CPSF3: variants seen among roughly 807,000 people sequenced by gnomAD.
CPSF3 encodes cleavage and polyadenylation specific factor 3, also known as cleavage and polyadenylation specificity factor subunit 3.
Under a neutral mutation model 84.1 loss-of-function variants are expected in CPSF3, and 57 were observed. That is an observed-to-expected ratio of 0.68 (90% confidence interval 0.55 to 0.85). The LOEUF is 0.85. Ranked by LOEUF, CPSF3 falls within the 40% of genes least tolerant of loss-of-function variation. CPSF3 has a pLI of 0.00. For synonymous variants in CPSF3, 275 were observed against 278.1 expected (o/e 0.99, Z 0.11); for missense variants, 522 against 838.8 (o/e 0.62, Z 4.66).
At position 9,466,180 on chromosome 2, in the gene CPSF3, GCACA is replaced by G. The variant is rs34694633; in HGVS notation, c.1787-1519_1787-1516del. ...ACATGCTAAAACCCTGTCTCTACAC[GCACA>G]CACACACGCGCTCACACACACACGC... On this transcript the variant is annotated intron_variant, in intron 15 of 17. Coordinates refer to ENST00000238112, the MANE Select transcript of CPSF3 (RefSeq NM_016207.4). Among the ~76,000 whole-genome samples the G allele has an allele frequency of 3.3e-4, 50 of 150,318 alleles. 1 individual carries two copies. The highest frequency in any genetic ancestry group is 1.1e-3 in the African/African-American group (43 of 40,426).
chr2:9,455,298 G>T (rs562178738), intron 12 of CPSF3, among the ~76,000 whole-genome samples: 6 of 152,218 alleles, frequency 3.9e-5, no homozygotes, highest in African/African-American at 1.4e-4. Context: ...ACCACGCCTA[G>T]CTAATTTTTG....
In CPSF3 at chr2:9,452,912, G is replaced by T; in HGVS notation, c.1396-1G>T. On this transcript the variant is annotated splice_acceptor_variant, in intron 11 of 17. Transcript: ENST00000238112. LOFTEE classifies it high-confidence loss of function. ...TTTCTTCAAGTATTTTTTTTTTACAGGTTATGGGATTTTTAGCAGACAAAA... is the reference window on the plus strand; with the variant it reads ...TTTCTTCAAGTATTTTTTTTTTACATGTTATGGGATTTTTAGCAGACAAAA... The T allele has an allele frequency of 1.3e-6, 2 of 1,586,020 alleles. No individual in the cohort carries two copies. Among genetic ancestry groups the T allele is most frequent in the Non-Finnish European group, 1.7e-6 (2 of 1,169,838 alleles).
chr2:9,437,042 T>C (rs1288822544), intron 7 of CPSF3, among the ~76,000 whole-genome samples: 4 of 152,134 alleles, frequency 2.6e-5, no homozygotes, highest in Non-Finnish European at 5.9e-5. Context: ...AAAATTGTGT[T>C]ACAGATGAGT....
rs1340436820 is a variant in CPSF3 at position 9,455,699 on chromosome 2, A to T, written c.1545A>T (p.Gln515His). Residue 515 changes from glutamine (Q) to histidine (H), a missense_variant, in exon 13 of 18, where the codon CAA becomes CAT. Physicochemically the swap from Gln to His is conservative, Grantham distance 24. This residue lies in a region of CPSF3 where 193 missense variants were observed against 231.6 expected (regional missense o/e 0.83). Transcript: ENST00000238112. ...CCATGAGCACGGTGAAGCAGACCCA[A>T]GCCATTCCATATACTGGTCCCTTTA... ...DLAMSTVKQT[Q>H]AIPYTGPFNL... 5.0e-6 allele frequency: 8 copies of T among 1,614,054 alleles called. No homozygotes were observed. Among genetic ancestry groups the T allele is most frequent in the Non-Finnish European group, 6.8e-6 (8 of 1,180,012 alleles).
At chr2:9,425,557 G>A (rs530776852) in intron 1 of CPSF3, among the ~76,000 whole-genome samples, 46 of 152,246 alleles carry the variant, frequency 3.0e-4, no homozygotes, top group African/African-American at 1.1e-3. Flanking sequence ...GGATTTTGTG[G>A]CTGATCAGCT....
chr2:9,446,605 A>G (rs1486123797), intron 10 of CPSF3, among the ~76,000 whole-genome samples: 1 of 148,378 alleles, frequency 6.7e-6, no homozygotes, highest in Non-Finnish European at 1.5e-5. Context: ...AAAAAAGTAT[A>G]AAAATTAGGT....
intron 13 of CPSF3, among the ~76,000 whole-genome samples, chr2:9,456,359 C>T (rs1681526548): frequency 6.6e-6 from 1 of 152,202 alleles, no homozygotes; most frequent in Admixed American, 6.5e-5. Flanking sequence ...CATTTTCCAT[C>T]AGTAACGCTC....
At chr2:9,458,447 A>T (rs534595315) in intron 14 of CPSF3, among the ~76,000 whole-genome samples, 1 of 152,322 alleles carries the variant, frequency 6.6e-6, no homozygotes, top group Non-Finnish European at 1.5e-5. Flanking sequence ...AGTTATCTAT[A>T]AACATGAAGT....
intron 1 of CPSF3, 179 bp downstream of exon 1, chr2:9,424,002 G>A: frequency 2.1e-6 from 3 of 1,417,860 alleles, no homozygotes; most frequent in Non-Finnish European, 1.8e-6. Flanking sequence ...ATCGGAAGGG[G>A]CCTGCTATAG....
intron 1 of CPSF3, among the ~76,000 whole-genome samples, 171 bp from the exon 2 acceptor site, chr2:9,428,594 A>G (rs1244285301): frequency 6.6e-6 from 1 of 152,140 alleles, no homozygotes; most frequent in East Asian, 1.9e-4. Flanking sequence ...TCATGTGGAC[A>G]CTGTTCTTCC....
chr2:9,461,522 C>T (rs905015321), intron 15 of CPSF3, among the ~76,000 whole-genome samples: 8 of 151,762 alleles, frequency 5.3e-5, no homozygotes, highest in South Asian at 2.1e-4. Context: ...AAAAATTAGC[C>T]AGGGGTGCTG....
intron 15 of CPSF3, among the ~76,000 whole-genome samples, chr2:9,464,767 A>G (rs1279822908): frequency 1.3e-5 from 2 of 151,604 alleles, no homozygotes; most frequent in African/African-American, 4.8e-5. Context: ...TAATTTTTCT[A>G]TTTTTATAGA....
intron 1 of CPSF3, 77 bp downstream of exon 1, chr2:9,423,900 C>G (rs1309384447): frequency 2.1e-5 from 33 of 1,566,498 alleles, no homozygotes; most frequent in Non-Finnish European, 2.6e-5. Context: ...TGGCCTCCTC[C>G]GTCGCCCGCG....
At chr2:9,442,929 ACAG>A (rs1681004933) in intron 9 of CPSF3, among the ~76,000 whole-genome samples, 1 of 152,046 alleles carries the variant, frequency 6.6e-6, no homozygotes, top group South Asian at 2.1e-4. Flanking sequence ...TCAGGAGGCC[ACAG>A]CAGGTGGATC....
intron 6 of CPSF3, among the ~76,000 whole-genome samples, chr2:9,435,719 TTTTTGTTGTTGTTGTTAAATTTTA>T (rs1680754588): frequency 6.7e-6 from 1 of 148,360 alleles, no homozygotes; most frequent in Admixed American, 6.8e-5. Context: ...GCCCGGCCTC[TTTTTGTTGTTGTTGTTAAATTTTA>T]TTTTTTTGAG....
intron 9 of CPSF3, 57 bp downstream of exon 9, chr2:9,442,033 C>G (rs765684488): frequency 6.4e-7 from 1 of 1,564,908 alleles, no homozygotes; most frequent in African/African-American, 1.4e-5. Context: ...GGAGGTGGCA[C>G]GGTCCTCACA....
chr2:9,451,603 A>T (rs1681330310), intron 11 of CPSF3, among the ~76,000 whole-genome samples: 1 of 152,176 alleles, frequency 6.6e-6, no homozygotes, highest in Admixed American at 6.5e-5. Flanking sequence ...ATCTCTACAA[A>T]AAATACAAAA....
At chr2:9,453,785 G>A (rs983472448) in intron 12 of CPSF3, among the ~76,000 whole-genome samples, 3 of 152,094 alleles carry the variant, frequency 2.0e-5, no homozygotes, top group Non-Finnish European at 4.4e-5. Flanking sequence ...CAGCTACTCA[G>A]GAGGCTGAGG....
Position 9,472,905 on chromosome 2 carries a change from C to T in CPSF3, c.1954-11C>T, listed in dbSNP as rs370557821. 25 of 1,546,264 alleles carry T rather than the reference C, an allele frequency of 1.6e-5. No individual in the cohort carries two copies. The highest frequency in any genetic ancestry group is 2.1e-5 in the Non-Finnish European group (24 of 1,118,906). On this transcript the variant is annotated splice_polypyrimidine_tract_variant and intron_variant, in intron 17 of 17. Transcript: ENST00000238112. The stretch of plus-strand genomic sequence containing the variant: ...TTAATTCTAACAGTCTTGTTTGTGC[C>T]TCACTTTCAGACTGTAGAATGTGAA...
Sources: gnomAD v4.1 joint callset for allele counts (sites outside exome capture counted in the v4.1 genomes callset) on GRCh38, gnomAD v4.1.1 for gene constraint, gnomAD v4.1.1 regional missense constraint, MANE v1.5 for transcripts, NCBI Gene and HGNC (gene_info 2026-07-23, HGNC 2026-07-21) for gene names.